The following TASP1 variants were observed in gnomAD, a reference collection of about 807,000 sequenced individuals.
The protein encoded by TASP1 is taspase 1.
In TASP1, 16 loss-of-function variants were observed where a neutral mutation model predicts 56.6. The observed-to-expected ratio is 0.28, with a 90% CI of 0.19 to 0.43. The LOEUF (loss-of-function observed/expected upper bound fraction) is 0.43, where lower values mean the gene tolerates loss of function less well. TASP1 is among the 20% of genes least tolerant of loss of function. The pLI is 1.00. For synonymous variants in TASP1, 179 were observed against 184.2 expected (o/e 0.97, Z 0.23); for missense variants, 393 against 511.6 (o/e 0.77, Z 2.24).
At chr20:13,119,970 A>C in the TASP1 span, among the ~76,000 whole-genome samples, 1 of 152,214 alleles carries the variant, frequency 6.6e-6, no homozygotes, top group Non-Finnish European at 1.5e-5. Context: ...GATTTGATGG[A>C]ACTTATGTAT....
chr20:13,450,216 T>C (rs898902419), intron 11 of TASP1, among the ~76,000 whole-genome samples: 1 of 152,146 alleles, frequency 6.6e-6, no homozygotes, highest in African/African-American at 2.4e-5. Context: ...GAGACTTAGA[T>C]GAGTCATATC....
chr20:13,405,278 C>A (rs2041875008), intron 13 of TASP1, among the ~76,000 whole-genome samples: 1 of 152,122 alleles, frequency 6.6e-6, no homozygotes, highest in Non-Finnish European at 1.5e-5. Context: ...AAAATGTATA[C>A]TTAATTAAAG....
chr20:13,601,461 A>T (rs1011640557), intron 4 of TASP1, among the ~76,000 whole-genome samples: 1 of 152,256 alleles, frequency 6.6e-6, no homozygotes, highest in Non-Finnish European at 1.5e-5. Flanking sequence ...GCAGTATTAG[A>T]CTACAACTAA....
chr20:13,138,960 G>C, the TASP1 span, among the ~76,000 whole-genome samples: 1 of 152,196 alleles, frequency 6.6e-6, no homozygotes. Flanking sequence ...AAACTCAAAA[G>C]TGTATTTGAC....
At chr20:13,527,517 T>G (rs1194958428) in intron 10 of TASP1, among the ~76,000 whole-genome samples, 2 of 152,114 alleles carry the variant, frequency 1.3e-5, no homozygotes, top group African/African-American at 4.8e-5. Flanking sequence ...TTCACGTACA[T>G]CTGGCACAGG....
At chr20:13,471,058 C>T (rs2044471670) in intron 11 of TASP1, among the ~76,000 whole-genome samples, 1 of 152,178 alleles carries the variant, frequency 6.6e-6, no homozygotes, top group South Asian at 2.1e-4. Flanking sequence ...AGAATCTCTG[C>T]TCTCCTAGAG....
At chr20:13,573,033 T>C (rs956254695) in intron 6 of TASP1, among the ~76,000 whole-genome samples, 3 of 152,216 alleles carry the variant, frequency 2.0e-5, no homozygotes, top group African/African-American at 7.2e-5. Flanking sequence ...ATGACTTCTT[T>C]ACTCTTCATA....
the TASP1 span, among the ~76,000 whole-genome samples, chr20:13,270,285 A>G: frequency 2.0e-5 from 3 of 152,256 alleles, no homozygotes; most frequent in Non-Finnish European, 4.4e-5. Context: ...ATTAACACTC[A>G]GAAAATTCCC....
intron 11 of TASP1, among the ~76,000 whole-genome samples, chr20:13,478,721 C>CA (rs943113776): frequency 6.6e-6 from 1 of 150,546 alleles, no homozygotes; most frequent in East Asian, 1.9e-4. Flanking sequence ...AAATTTTTAC[C>CA]AAAAAAAAGT....
intron 8 of TASP1, among the ~76,000 whole-genome samples, chr20:13,549,818 T>C (rs2045920855): frequency 6.6e-6 from 1 of 152,060 alleles, no homozygotes; most frequent in Non-Finnish European, 1.5e-5. Flanking sequence ...TTCCGTTAAA[T>C]ACTACAAATT....
chr20:13,212,278 A>G, the TASP1 span, among the ~76,000 whole-genome samples: 7 of 152,156 alleles, frequency 4.6e-5, no homozygotes, highest in African/African-American at 7.2e-5. Flanking sequence ...TACAGCCACT[A>G]ATTAGGAGCC....
chr20:13,286,312 G>A, the TASP1 span, among the ~76,000 whole-genome samples: 3 of 151,800 alleles, frequency 2.0e-5, no homozygotes, highest in African/African-American at 7.3e-5. Flanking sequence ...ACACCAGACT[G>A]CAAAGTTCTC....
At chr20:13,493,466 A>G (rs918603895) in intron 10 of TASP1, among the ~76,000 whole-genome samples, 36 of 152,184 alleles carry the variant, frequency 2.4e-4, no homozygotes, top group African/African-American at 7.5e-4. Context: ...CCTTTCCTAT[A>G]CTGGATGCTT....
At chr20:13,267,012 C>A in the TASP1 span, among the ~76,000 whole-genome samples, 2 of 152,132 alleles carry the variant, frequency 1.3e-5, no homozygotes, top group Non-Finnish European at 2.9e-5. Context: ...TCTGTTGTCT[C>A]CTACCCTAGA....
chr20:13,533,136 C>T (rs993274160), intron 9 of TASP1, among the ~76,000 whole-genome samples: 1 of 152,082 alleles, frequency 6.6e-6, no homozygotes, highest in Non-Finnish European at 1.5e-5. Context: ...AGTCACTAAC[C>T]ATCATGAAAA....
the TASP1 span, among the ~76,000 whole-genome samples, chr20:13,195,917 C>A: frequency 2.0e-5 from 3 of 152,166 alleles, no homozygotes; most frequent in African/African-American, 4.8e-5. Context: ...AGGGGTCAAG[C>A]ATGGCCTGCC....
At chr20:13,546,246 G>A (rs1461910490) in intron 8 of TASP1, among the ~76,000 whole-genome samples, 1 of 146,208 alleles carries the variant, frequency 6.8e-6, no homozygotes, top group African/African-American at 2.5e-5. Context: ...ATGACTTCTG[G>A]TGGAAAAAAC....
intron 11 of TASP1, among the ~76,000 whole-genome samples, chr20:13,458,424 T>C (rs1169556164): frequency 2.0e-5 from 3 of 152,150 alleles, no homozygotes; most frequent in Non-Finnish European, 4.4e-5. Context: ...CTTGGCTCAC[T>C]GCAACCTCTG....
the TASP1 span, among the ~76,000 whole-genome samples, chr20:13,221,406 CCAG>C: frequency 2.1e-5 from 3 of 145,972 alleles, no homozygotes; most frequent in Non-Finnish European, 4.6e-5. Context: ...CAGCCCCCTG[CCAG>C]CAGGGTGGCC....
Sources: allele counts gnomAD v4.1 joint callset (sites outside exome capture counted in the v4.1 genomes callset), GRCh38; gene constraint gnomAD v4.1.1; transcripts MANE v1.5; gene names NCBI Gene and HGNC (gene_info 2026-07-23, HGNC 2026-07-21).